Variants in SPA17 observed in about 807,000 individuals in gnomAD.
SPA17 encodes the protein sperm autoantigenic protein 17.
In SPA17, 7 loss-of-function variants were observed where a neutral mutation model predicts 13.8. The observed-to-expected ratio is 0.51, with a 90% CI of 0.29 to 0.95. The LOEUF (loss-of-function observed/expected upper bound fraction) is 0.95. Ranked by LOEUF, SPA17 falls within the 40% of genes least tolerant of loss-of-function variation. The pLI is 0.08. For missense variants in SPA17, 170 were observed against 179.3 expected, an observed-to-expected ratio of 0.95 and a Z score of 0.30; for synonymous variants, 61 against 59.0, an observed-to-expected ratio of 1.03 and a Z score of -0.16.
At chr11:124,693,998 C>T (rs889747564) in intron 4 of SPA17, among the ~76,000 whole-genome samples, 3 of 152,056 alleles carry the variant, frequency 2.0e-5, no homozygotes, top group Admixed American at 6.6e-5. Flanking sequence ...TTTCTTGTCC[C>T]CCCAACCCCC....
chr11:124,683,536 TAA>T (rs57544674), intron 3 of SPA17, among the ~76,000 whole-genome samples: 10 of 135,970 alleles, frequency 7.4e-5, no homozygotes, highest in African/African-American at 1.6e-4. Context: ...TGGATTTCTT[TAA>T]AAAAAAAAAA....
At chr11:124,687,101 C>T (rs889588289) in intron 3 of SPA17, among the ~76,000 whole-genome samples, 1 of 151,988 alleles carries the variant, frequency 6.6e-6, no homozygotes, top group African/African-American at 2.4e-5. Context: ...AAAAAGAAGA[C>T]GTTACAACTG....
chr11:124,676,392 G>C (rs1195468689), intron 2 of SPA17: 4 of 152,192 alleles, frequency 2.6e-5, no homozygotes, highest in African/African-American at 7.2e-5. Context: ...TTTTATTACA[G>C]TATTCTAACA....
chr11:124,692,177 A>G (rs1943628537), intron 4 of SPA17, among the ~76,000 whole-genome samples: 1 of 152,216 alleles, frequency 6.6e-6, no homozygotes, highest in South Asian at 2.1e-4. Flanking sequence ...ATCACAGGGA[A>G]TTACATACAG....
intron 4 of SPA17, 111 bp downstream of exon 4, chr11:124,691,893 CTT>C: frequency 1.7e-6 from 1 of 593,704 alleles, no homozygotes; most frequent in Non-Finnish European, 2.7e-6. Flanking sequence ...AAAATTATGA[CTT>C]TACTTTCCAG....
rs1226726064 is a variant in SPA17, at chr11:124,685,977, CT to C, written c.225+4522del. ...TCTCAAATAAGACTTTGAACTTGGA[CT>C]TTTGGGTTAATGCTGGAATGAGTTA... On this transcript the variant is annotated intron_variant, in intron 3 of 4. Transcript: ENST00000227135. 9.2e-5 allele frequency among the ~76,000 whole-genome samples: 14 copies of C among 152,186 alleles called. No individual in the cohort carries two copies. The East Asian group carries it at 2.5e-3, about 27-fold the overall frequency.
intron 3 of SPA17, among the ~76,000 whole-genome samples, chr11:124,682,195 G>A (rs1017233839): frequency 6.6e-5 from 10 of 152,114 alleles, no homozygotes; most frequent in African/African-American, 2.4e-4. Flanking sequence ...ATTGAGAAAA[G>A]AGCTTCTCAA....
intron 2 of SPA17, among the ~76,000 whole-genome samples, chr11:124,681,037 T>C (rs1285608796): frequency 6.6e-6 from 1 of 152,154 alleles, no homozygotes; most frequent in Non-Finnish European, 1.5e-5. Context: ...GCATTTAGGT[T>C]TATACATTTT....
chr11:124,685,948 C>T (rs1332956099), intron 3 of SPA17, among the ~76,000 whole-genome samples: 1 of 152,140 alleles, frequency 6.6e-6, no homozygotes, highest in African/African-American at 2.4e-5. Flanking sequence ...AGGAACTTGC[C>T]TTGTCTCAAA....
chr11:124,681,247 G>A lies in SPA17; in HGVS notation c.155-142G>A, dbSNP rs571319449. 2.4e-5 allele frequency: 11 copies of A among 462,990 alleles called. No individual in the cohort carries two copies. The East Asian group carries it at 3.0e-4, about 13-fold the overall frequency. 28.7% of individuals were successfully genotyped at this position (462,990 alleles called of 1,614,324 possible). A position where few individuals can be genotyped will look rare whatever the true frequency, so the allele number is the denominator to read the frequency against. On this transcript the variant is annotated intron_variant, in intron 2 of 4. Transcript: ENST00000227135. ...TCACTGGTAATGTCTGCAGTGCTACGCTATGCACAATGTCAATAAGATTTT... is the reference window on the plus strand; with the variant it reads ...TCACTGGTAATGTCTGCAGTGCTACACTATGCACAATGTCAATAAGATTTT...
intron 2 of SPA17, among the ~76,000 whole-genome samples, chr11:124,678,818 C>G (rs1379748905): frequency 6.6e-6 from 1 of 152,040 alleles, no homozygotes; most frequent in Non-Finnish European, 1.5e-5. Flanking sequence ...CCGCCAGCCT[C>G]CGCCTCCTAA....
At chr11:124,681,545 G>C (rs1377639208) in intron 3 of SPA17, 86 bp downstream of exon 3, 4 of 933,090 alleles carry the variant, frequency 4.3e-6, no homozygotes, top group Non-Finnish European at 6.0e-6. Context: ...AGAATTGTGA[G>C]AATTATGTGA....
At chr11:124,678,516 C>CTGTGTGTGTGTGTGTGTG (rs60663679) in intron 2 of SPA17, among the ~76,000 whole-genome samples, 10 of 143,260 alleles carry the variant, frequency 7.0e-5, no homozygotes, top group African/African-American at 2.6e-4. Context: ...GAATACATAA[C>CTGTGTGTGTGTGTGTGTG]TGTGTGTGTG....
In SPA17 at chr11:124,681,968, C is replaced by T. The variant is rs117771018; in HGVS notation, c.225+509C>T. On this transcript the variant is annotated intron_variant, in intron 3 of 4. Transcript: ENST00000227135. The stretch of plus-strand genomic sequence containing the variant: ...ATATGATATTATTGATACAAAAGAC[C>T]GGTTAGAATTAAAGGTGGTAATGGT... Among the ~76,000 whole-genome samples, 405 of 152,146 alleles carry T rather than the reference C, an allele frequency of 2.7e-3. 1 individual carries two copies. Among genetic ancestry groups the T allele is most frequent in the Non-Finnish European group, 4.9e-3 (331 of 67,968 alleles).
At position 124,675,424 on chromosome 11, in the gene SPA17, C is replaced by T. The variant is rs749225623; in HGVS notation, c.154+6C>T. 6.2e-7 allele frequency: 1 copy of T among 1,600,806 alleles called. No homozygotes were observed. The highest frequency in any genetic ancestry group is 1.4e-5 in the African/African-American group (1 of 73,824). On this transcript the variant is annotated splice_donor_region_variant and intron_variant, in intron 2 of 4. Coordinates refer to ENST00000227135, the MANE Select transcript of SPA17 (RefSeq NM_017425.4). ...CCTTCTAGAGAAAAGAGAGAGTAAG[C>T]TTTCTAAAATTAGTCATTTTTTAAA...
chr11:124,673,961 G>T lies in SPA17; in HGVS notation c.-28+9G>T. 1 of 558,790 alleles carries T rather than the reference G, an allele frequency of 1.8e-6. No individual in the cohort carries two copies. Among genetic ancestry groups the T allele is most frequent in the South Asian group, 2.2e-5 (1 of 45,342 alleles). 34.6% of individuals were successfully genotyped at this position (558,790 alleles called of 1,614,324 possible). A position where few individuals can be genotyped will look rare whatever the true frequency, so the allele number is the denominator to read the frequency against. ...GCTCGGAGAGAAAGGAGGTGAGGCC[G>T]CTTCCCCACTTCCTCTCCGATACCA... On this transcript the variant is annotated intron_variant, in intron 1 of 4. Transcript: ENST00000227135.
At chr11:124,679,790 G>T (rs1471187391) in intron 2 of SPA17, among the ~76,000 whole-genome samples, 1 of 152,210 alleles carries the variant, frequency 6.6e-6, no homozygotes, top group East Asian at 1.9e-4. Flanking sequence ...AAGGTTACTA[G>T]AGGTGTTTCC....
At chr11:124,692,026 A>G (rs915157835) in intron 4 of SPA17, among the ~76,000 whole-genome samples, 2 of 152,184 alleles carry the variant, frequency 1.3e-5, no homozygotes, top group Non-Finnish European at 2.9e-5. Context: ...ATGGATGGAA[A>G]AATCTCCCTA....
At chr11:124,694,000 C>T (rs1007962964) in intron 4 of SPA17, among the ~76,000 whole-genome samples, 2 of 152,100 alleles carry the variant, frequency 1.3e-5, no homozygotes, top group Non-Finnish European at 2.9e-5. Flanking sequence ...TCTTGTCCCC[C>T]CAACCCCCCA....
Sources: gnomAD v4.1 joint callset for allele counts (sites outside exome capture counted in the v4.1 genomes callset) on GRCh38, gnomAD v4.1.1 for gene constraint, MANE v1.5 for transcripts, NCBI Gene and HGNC (gene_info 2026-07-23, HGNC 2026-07-21) for gene names.